ADGRE5: variants seen among roughly 807,000 people sequenced by gnomAD.
ADGRE5 encodes the protein adhesion G protein-coupled receptor E5.
Under a neutral mutation model 100.3 loss-of-function variants are expected in ADGRE5, and 72 were observed. The ratio of observed to expected loss-of-function variants is 0.72; its 90% CI spans 0.59 to 0.87. The LOEUF is 0.87. ADGRE5 is among the 40% of genes least tolerant of loss of function. The pLI, the probability that ADGRE5 is intolerant of heterozygous loss-of-function variation, is 0.00. For missense variants in ADGRE5, 959 were observed against 1,094.7 expected, an observed-to-expected ratio of 0.88 and a Z score of 1.75; for synonymous variants, 439 against 447.8, an observed-to-expected ratio of 0.98 and a Z score of 0.25.
intron 4 of ADGRE5, among the ~76,000 whole-genome samples, chr19:14,392,399 C>G (rs1975632599): frequency 6.6e-6 from 1 of 151,894 alleles, no homozygotes; most frequent in Admixed American, 6.6e-5. Flanking sequence ...CTCCTGGGTT[C>G]AAGTGATTCT....
Position 14,401,844 on chromosome 19 carries a change from C to A in ADGRE5, c.1183+84C>A. The stretch of plus-strand genomic sequence containing the variant: ...GGCCAGGGTGAGGTTCAGAATAGAA[C>A]AACTGACTGGGCGCGGTGGCTCACG... On this transcript the variant is annotated intron_variant, in intron 11 of 19. Transcript: ENST00000242786. The surrounding 1 kb of genome is among the most constrained non-coding windows in gnomAD (Gnocchi z 4.1). 1.1e-6 allele frequency: 1 copy of A among 946,344 alleles called. No homozygotes were observed. The highest frequency in any genetic ancestry group is 1.5e-6 in the Non-Finnish European group (1 of 653,566). The allele number at this position is 946,344 out of a possible 1,614,324, so 58.6% of individuals were successfully genotyped here.
Position 14,408,527 on chromosome 19 carries a change from A to T in ADGRE5, c.*406A>T, listed in dbSNP as rs1345901131. 2.3e-6 allele frequency: 1 copy of T among 441,100 alleles called. No homozygotes were observed. Among genetic ancestry groups the T allele is most frequent in the Non-Finnish European group, 4.1e-6 (1 of 244,076 alleles). The allele number at this position is 441,100 out of a possible 1,614,324, so 27.3% of individuals were successfully genotyped here. A position where few individuals can be genotyped will look rare whatever the true frequency, so the allele number is the denominator to read the frequency against. ...GGCGCTGGGGCTCAGCTTCCCTCTT[A>T]AGCTAAGACTGATGTCAGAGGCCCC... is the stretch of plus-strand genomic sequence containing the variant. On this transcript the variant is annotated 3_prime_UTR_variant, in exon 20 of 20. Transcript: ENST00000242786.
intron 1 of ADGRE5, among the ~76,000 whole-genome samples, chr19:14,384,229 T>A (rs1975253739): frequency 6.7e-6 from 1 of 149,226 alleles, no homozygotes; most frequent in Non-Finnish European, 1.5e-5. Flanking sequence ...TTAACCCAGC[T>A]GGAAGGAGTG....
Position 14,397,074 on chromosome 19 carries a change from C to T in ADGRE5, c.479-3C>T, listed in dbSNP as rs1975806264. Reference sequence around the variant, plus strand: ...GGGTTTGACCCTCTGGCTTTGTCCTCAGATGTGAATGAATGCACCTCCGGA... The same window carrying T: ...GGGTTTGACCCTCTGGCTTTGTCCTTAGATGTGAATGAATGCACCTCCGGA... On this transcript the variant is annotated splice_region_variant and splice_polypyrimidine_tract_variant and intron_variant, in intron 5 of 19. Transcript: ENST00000242786. 2 of 1,613,128 alleles carry T rather than the reference C, an allele frequency of 1.2e-6. No individual in the cohort carries two copies. Among genetic ancestry groups the T allele is most frequent in the Non-Finnish European group, 1.7e-6 (2 of 1,179,796 alleles).
rs1205766842 is a variant in ADGRE5 at position 14,405,785 on chromosome 19, C to T, written c.1667C>T (p.Ala556Val). ...KLTLITRVGL[A>V]LSLFCLLLCI... The stretch of plus-strand genomic sequence containing the variant: ...ACCCTGATCACCAGGGTGGGACTGG[C>T]GCTGTCACTCTTCTGCCTGCTGCTG... Residue 556 changes from alanine (A) to valine (V), a missense_variant, in exon 14 of 20, where the codon GCG becomes GTG. By Grantham distance (64) the Ala-to-Val change is moderately conservative. This residue lies in a region of ADGRE5 where 428 missense variants were observed against 386.2 expected (regional missense o/e 1.11). Coordinates refer to ENST00000242786, the MANE Select transcript of ADGRE5 (RefSeq NM_078481.4). The T allele has an allele frequency of 6.2e-6, 10 of 1,613,614 alleles. No individual in the cohort carries two copies. The highest frequency in any genetic ancestry group is 7.6e-6 in the Non-Finnish European group (9 of 1,179,906).
At chr19:14,399,432 C>G (rs958887337) in intron 9 of ADGRE5, among the ~76,000 whole-genome samples, 1 of 150,764 alleles carries the variant, frequency 6.6e-6, no homozygotes, top group South Asian at 2.1e-4. Context: ...GGCGTAGTGG[C>G]GGGCGCCTGT....
chr19:14,382,222 G>A (rs1416115640), intron 1 of ADGRE5, among the ~76,000 whole-genome samples: 2 of 152,176 alleles, frequency 1.3e-5, no homozygotes, highest in African/African-American at 4.8e-5. Context: ...GACATTTGGG[G>A]CAAAAACCAG....
Position 14,397,216 on chromosome 19 carries a change from C to A in ADGRE5, c.618C>A (p.Val206=). ...PGSPNGPNNT[V]CEDVDECSSG... The stretch of plus-strand genomic sequence containing the variant: ...CCCCCAATGGCCCAAACAATACCGT[C>A]TGTGAAGGTCGAGAGCTCAGATCCC... The change falls in exon 6 of 20, where the codon GTC becomes GTA. Residue 206 remains valine, a synonymous_variant. Transcript: ENST00000242786. 1 of 1,614,112 alleles carries A rather than the reference C, an allele frequency of 6.2e-7. No homozygotes were observed. The highest frequency in any genetic ancestry group is 1.1e-5 in the South Asian group (1 of 91,078).
chr19:14,398,364 C>A, intron 9 of ADGRE5: 1 of 561,466 alleles, frequency 1.8e-6, no homozygotes. Context: ...CAACAGAGTG[C>A]AGCACTTAAG....
At chr19:14,389,343 A>AAG (rs1568308943) in intron 3 of ADGRE5, among the ~76,000 whole-genome samples, 3 of 12,160 alleles carry the variant, frequency 2.5e-4, no homozygotes, top group African/African-American at 1.3e-3. Context: ...GGGGAAGGGG[A>AAG]GGGGAAGGGG....
At position 14,406,665 on chromosome 19, in the gene ADGRE5, T is replaced by C. The variant is rs746157036; in HGVS notation, c.2049-35T>C. On this transcript the variant is annotated intron_variant, in intron 15 of 19. Transcript: ENST00000242786. This position sits in a 1 kb window ranked among gnomAD's most constrained non-coding sequence, Gnocchi z 6.0. ...GCCCTCCGTTCCGCTCCTGGCTTCC[T>C]GGGGCACTGATGGGACCCCTCCCTT... 1.2e-6 allele frequency: 2 copies of C among 1,611,592 alleles called. No individual in the cohort carries two copies. Among genetic ancestry groups the C allele is most frequent in the African/African-American group, 1.3e-5 (1 of 74,880 alleles).
chr19:14,408,469 T>A lies in ADGRE5; in HGVS notation c.*348T>A. 1.9e-6 allele frequency: 1 copy of A among 523,602 alleles called. No homozygotes were observed. Among genetic ancestry groups the A allele is most frequent in the Admixed American group, 3.2e-5 (1 of 31,340 alleles). 32.4% of individuals were successfully genotyped at this position (523,602 alleles called of 1,614,324 possible). On this transcript the variant is annotated 3_prime_UTR_variant, in exon 20 of 20. Coordinates refer to ENST00000242786, the MANE Select transcript of ADGRE5 (RefSeq NM_078481.4). ...CGCTTGTCCCATCCTGGACTTTTCCTCTCATGTCTTTGCTGCAGAACTGAA... is the reference window on the plus strand; with the variant it reads ...CGCTTGTCCCATCCTGGACTTTTCCACTCATGTCTTTGCTGCAGAACTGAA...
In ADGRE5 at chr19:14,407,190, C is replaced by A. The variant is rs376341660; in HGVS notation, c.2337C>A (p.Gly779=). ...YVFTILNCLQ[G]AFLYLLHCLL... is the part of the protein sequence containing the mutation. ...TTACCATCCTCAACTGCCTGCAGGG[C>A]GCCTTCCTCTACCTGCTGCACTGCC... The change falls in exon 18 of 20, where the codon GGC becomes GGA. Residue 779 remains glycine (G), a synonymous_variant. Transcript: ENST00000242786. 1 of 1,614,102 alleles carries A rather than the reference C, an allele frequency of 6.2e-7. No individual in the cohort carries two copies. The highest frequency in any genetic ancestry group is 1.1e-5 in the South Asian group (1 of 91,086).
chr19:14,401,786 G>C lies in ADGRE5; in HGVS notation c.1183+26G>C, dbSNP rs766600227. 6.8e-7 allele frequency: 1 copy of C among 1,460,760 alleles called. No homozygotes were observed. Among genetic ancestry groups the C allele is most frequent in the East Asian group, 2.3e-5 (1 of 43,380 alleles). 90.5% of individuals were successfully genotyped at this position (1,460,760 alleles called of 1,614,324 possible). A position where few individuals can be genotyped will look rare whatever the true frequency, so the allele number is the denominator to read the frequency against. On this transcript the variant is annotated intron_variant, in intron 11 of 19. Transcript: ENST00000242786. This position sits in a 1 kb window ranked among gnomAD's most constrained non-coding sequence, Gnocchi z 4.1. ...GTAGCAGCGGTGGTCTGGAGGGGGA[G>C]CCCGTGGGAGAGAGATGGAGGTGCT...
chr19:14,402,527 A>T, intron 11 of ADGRE5, 70 bp from the exon 12 acceptor site: 1 of 1,546,610 alleles, frequency 6.5e-7, no homozygotes, highest in Non-Finnish European at 8.9e-7. Flanking sequence ...GAGCTGGGTC[A>T]TCTTGGGAGG....
intron 9 of ADGRE5, among the ~76,000 whole-genome samples, chr19:14,400,977 A>G (rs552979135): frequency 1.3e-5 from 2 of 152,250 alleles, no homozygotes; most frequent in South Asian, 4.1e-4. Flanking sequence ...TACAAAAATT[A>G]GCCGGGTGTG....
chr19:14,388,395 G>A (rs1025966231), intron 1 of ADGRE5, 55 bp from the exon 2 acceptor site: 26 of 1,434,628 alleles, frequency 1.8e-5, no homozygotes, highest in African/African-American at 4.3e-5. Flanking sequence ...TCACCCTTAC[G>A]CCTCCTTTCC....
intron 1 of ADGRE5, among the ~76,000 whole-genome samples, chr19:14,384,442 T>C (rs1189886811): frequency 6.6e-6 from 1 of 152,104 alleles, no homozygotes; most frequent in Non-Finnish European, 1.5e-5. Context: ...ATTCCTTCCC[T>C]TAGGCCCAGG....
At chr19:14,404,031 C>A (rs1185810010) in intron 12 of ADGRE5, among the ~76,000 whole-genome samples, 4 of 152,004 alleles carry the variant, frequency 2.6e-5, no homozygotes, top group South Asian at 2.1e-4. Context: ...GTGCTTGCCA[C>A]CAGGCCCAGC....
Sources: gnomAD v4.1 joint callset for allele counts (sites outside exome capture counted in the v4.1 genomes callset) on GRCh38, gnomAD v4.1.1 for gene constraint, gnomAD v4.1.1 regional missense constraint, Gnocchi (gnomAD v3.1) non-coding constraint, MANE v1.5 for transcripts, NCBI Gene and HGNC (gene_info 2026-07-23, HGNC 2026-07-21) for gene names.